GABRB1: variants seen among roughly 807,000 people sequenced by gnomAD.
GABRB1 encodes gamma-aminobutyric acid type A receptor subunit beta1.
Under a neutral mutation model 51.6 loss-of-function variants are expected in GABRB1, and 17 were observed. The ratio of observed to expected loss-of-function variants is 0.33; its 90% CI spans 0.23 to 0.49. GABRB1 has a LOEUF of 0.49. GABRB1 is among the 20% of genes least tolerant of loss of function. GABRB1 has a pLI of 0.99. For synonymous variants in GABRB1, 247 were observed against 218.9 expected (o/e 1.13, Z -1.14); for missense variants, 410 against 600.6 (o/e 0.68, Z 3.32).
At chr4:47,124,560 A>T (rs1234022525) in intron 3 of GABRB1, among the ~76,000 whole-genome samples, 1 of 152,216 alleles carries the variant, frequency 6.6e-6, no homozygotes, top group Non-Finnish European at 1.5e-5. Flanking sequence ...AATTCTAAAT[A>T]ATTGCTTCAA....
chr4:47,075,900 G>A (rs1300140132), intron 3 of GABRB1, among the ~76,000 whole-genome samples: 2 of 152,088 alleles, frequency 1.3e-5, no homozygotes, highest in East Asian at 3.9e-4. Flanking sequence ...AGACCCCTTT[G>A]GAGCCTGCCT....
chr4:47,332,603 C>G (rs1725526282), intron 5 of GABRB1, among the ~76,000 whole-genome samples: 1 of 152,084 alleles, frequency 6.6e-6, no homozygotes, highest in Non-Finnish European at 1.5e-5. Flanking sequence ...ATGCCCCACC[C>G]CAGGCCAATA....
At chr4:47,246,616 A>T (rs1270928995) in intron 4 of GABRB1, among the ~76,000 whole-genome samples, 2 of 151,398 alleles carry the variant, frequency 1.3e-5, no homozygotes, top group Admixed American at 1.3e-4. Context: ...TGTTTTCCAC[A>T]GTGGTTGTAC....
At chr4:47,380,677 T>C (rs1015806281) in intron 5 of GABRB1, among the ~76,000 whole-genome samples, 1 of 152,214 alleles carries the variant, frequency 6.6e-6, no homozygotes, top group Non-Finnish European at 1.5e-5. Context: ...ACCCTAGATA[T>C]ATTGTTTCAT....
chr4:47,063,078 A>G (rs1357349632), intron 3 of GABRB1, among the ~76,000 whole-genome samples: 1 of 152,128 alleles, frequency 6.6e-6, no homozygotes, highest in Non-Finnish European at 1.5e-5. Context: ...AAATCCAAAG[A>G]TTTTATATAG....
chr4:47,241,049 C>T (rs1162633828), intron 4 of GABRB1, among the ~76,000 whole-genome samples: 1 of 152,042 alleles, frequency 6.6e-6, no homozygotes, highest in East Asian at 1.9e-4. Flanking sequence ...TCCTCATTTC[C>T]TTTCCAGATC....
chr4:47,397,903 G>T (rs1329319248), intron 5 of GABRB1, among the ~76,000 whole-genome samples: 2 of 151,858 alleles, frequency 1.3e-5, no homozygotes, highest in Non-Finnish European at 2.9e-5. Context: ...AGTTTTCTTG[G>T]GTTTCTTTAT....
intron 5 of GABRB1, among the ~76,000 whole-genome samples, chr4:47,333,139 A>T (rs1373052814): frequency 1.4e-5 from 2 of 145,750 alleles, no homozygotes; most frequent in East Asian, 3.9e-4. Flanking sequence ...TATATAATAT[A>T]TATTATATTT....
chr4:47,213,224 C>T (rs1348394514), intron 4 of GABRB1, among the ~76,000 whole-genome samples: 3 of 152,008 alleles, frequency 2.0e-5, no homozygotes, highest in East Asian at 3.9e-4. Context: ...TGTTTATATG[C>T]TTATCTCCTC....
intron 5 of GABRB1, among the ~76,000 whole-genome samples, chr4:47,329,811 G>T (rs1442701335): frequency 6.6e-6 from 1 of 150,996 alleles, no homozygotes; most frequent in Non-Finnish European, 1.5e-5. Flanking sequence ...AGAAAGATAG[G>T]TAAAGTACAG....
intron 3 of GABRB1, among the ~76,000 whole-genome samples, chr4:47,144,692 T>A (rs988235711): frequency 9.2e-5 from 14 of 152,048 alleles, no homozygotes; most frequent in African/African-American, 2.9e-4. Flanking sequence ...TTAGATTGAT[T>A]TGACACCAAA....
intron 3 of GABRB1, among the ~76,000 whole-genome samples, chr4:47,038,977 A>T (rs1725713120): frequency 6.6e-6 from 1 of 152,174 alleles, no homozygotes; most frequent in Non-Finnish European, 1.5e-5. Flanking sequence ...TGTTTTCAGT[A>T]GATCAAGCAT....
chr4:47,388,669 A>C (rs757440551), intron 5 of GABRB1, among the ~76,000 whole-genome samples: 13 of 152,204 alleles, frequency 8.5e-5, no homozygotes, highest in African/African-American at 1.4e-4. Flanking sequence ...TAACCCAAAA[A>C]GTGGTAAAAG....
chr4:47,169,322 C>T (rs1718343329), intron 4 of GABRB1, among the ~76,000 whole-genome samples: 1 of 152,126 alleles, frequency 6.6e-6, no homozygotes, highest in Non-Finnish European at 1.5e-5. Flanking sequence ...ACTGCTTCCT[C>T]TTATTTAGCA....
intron 4 of GABRB1, among the ~76,000 whole-genome samples, chr4:47,290,628 G>A (rs993748052): frequency 1.1e-4 from 16 of 152,158 alleles, no homozygotes; most frequent in Non-Finnish European, 1.8e-4. Context: ...AAGCCTGATA[G>A]CGATATGGAC....
At chr4:47,150,420 G>C (rs1225366394) in intron 3 of GABRB1, among the ~76,000 whole-genome samples, 1 of 150,662 alleles carries the variant, frequency 6.6e-6, no homozygotes, top group Non-Finnish European at 1.5e-5. Context: ...TTGCAGAATT[G>C]TTTTAGTTGT....
At chr4:47,128,415 A>G (rs995848516) in intron 3 of GABRB1, among the ~76,000 whole-genome samples, 16 of 151,926 alleles carry the variant, frequency 1.1e-4, no homozygotes, top group African/African-American at 2.4e-5. Context: ...AAAAACCTCT[A>G]CCTAGATTCA....
At chr4:47,205,036 C>T (rs1224311884) in intron 4 of GABRB1, among the ~76,000 whole-genome samples, 1 of 152,092 alleles carries the variant, frequency 6.6e-6, no homozygotes, top group Non-Finnish European at 1.5e-5. Context: ...CTCCAATCAC[C>T]ATTTCACATA....
At position 47,404,075 on chromosome 4, in the gene GABRB1, A is replaced by G. The variant is rs182572509; in HGVS notation, c.835+364A>G. Among the ~76,000 whole-genome samples the G allele has an allele frequency of 4.2e-4, 64 of 152,266 alleles. 1 individual carries two copies. In the East Asian group the frequency reaches 0.011, roughly 26 times the overall value. ...GAACATATACAATGCACTATTTTCA[A>G]ATGAATTTGGAGAAAGCTAAACCTT... On this transcript the variant is annotated intron_variant, in intron 7 of 8. Coordinates refer to ENST00000295454, the MANE Select transcript of GABRB1 (RefSeq NM_000812.4).
Sources: allele counts gnomAD v4.1 joint callset (sites outside exome capture counted in the v4.1 genomes callset), GRCh38; gene constraint gnomAD v4.1.1; transcripts MANE v1.5; gene names NCBI Gene and HGNC (gene_info 2026-07-23, HGNC 2026-07-21).